Variants in DLGAP1 observed in about 807,000 individuals in gnomAD.
DLGAP1 encodes DLG associated protein 1, also known as disks large-associated protein 1.
Under a neutral mutation model 90.8 loss-of-function variants are expected in DLGAP1, and 11 were observed. The observed-to-expected ratio is 0.12, with a 90% CI of 0.08 to 0.20. DLGAP1 has a LOEUF of 0.20. Among genes scored for constraint, DLGAP1 ranks in the 10% least tolerant of loss-of-function variants. The pLI is 1.00. For missense variants in DLGAP1, 1,050 were observed against 1,333.8 expected (o/e 0.79, Z 3.31); for synonymous variants, 558 against 540.7 (o/e 1.03, Z -0.44).
chr18:3,731,667 C>A (rs140588427), intron 6 of DLGAP1, among the ~76,000 whole-genome samples: 11 of 152,020 alleles, frequency 7.2e-5, no homozygotes, highest in African/African-American at 2.7e-4. Context: ...CCTCCACCTC[C>A]CAAAATGCTG....
Position 3,681,622 on chromosome 18 carries a change from C to T in DLGAP1, c.1591+47513G>A, listed in dbSNP as rs78233490. ...ATAAGTAACTTTCTTCCCCAAAAAGCCAGCTGTGTGATTACTAAGAGACCA... is the reference window on the plus strand; with the variant it reads ...ATAAGTAACTTTCTTCCCCAAAAAGTCAGCTGTGTGATTACTAAGAGACCA... On this transcript the variant is annotated intron_variant, in intron 7 of 12. Transcript: ENST00000315677. Among the ~76,000 whole-genome samples the T allele has an allele frequency of 4.3e-3, 651 of 152,270 alleles. 10 individuals carry two copies. The highest frequency in any genetic ancestry group is 0.015 in the African/African-American group (630 of 41,552).
chr18:3,833,524 C>T (rs550102294), intron 4 of DLGAP1, among the ~76,000 whole-genome samples: 25 of 152,210 alleles, frequency 1.6e-4, no homozygotes, highest in Middle Eastern at 3.4e-3. Flanking sequence ...TGTGAGCCAC[C>T]GCATCTGGAC....
At chr18:4,440,120 CAAAAAAAAAAA>C (rs35152199) in intron 1 of DLGAP1, among the ~76,000 whole-genome samples, 24 of 49,354 alleles carry the variant, frequency 4.9e-4, no homozygotes, top group African/African-American at 1.9e-3. Flanking sequence ...ACTCCGTCAC[CAAAAAAAAAAA>C]AAAAAAAAAA....
At chr18:3,795,603 C>T (rs990803656) in intron 5 of DLGAP1, among the ~76,000 whole-genome samples, 3 of 152,230 alleles carry the variant, frequency 2.0e-5, no homozygotes, top group South Asian at 2.1e-4. Flanking sequence ...CATGAGTCAC[C>T]GCGCCTGGCC....
intron 7 of DLGAP1, among the ~76,000 whole-genome samples, chr18:3,615,064 G>A (rs999051852): frequency 2.6e-5 from 4 of 151,814 alleles, no homozygotes; most frequent in Admixed American, 1.3e-4. Context: ...GAGATTACAG[G>A]CGCCCGCCAC....
At chr18:4,057,018 C>T (rs1157554127) in intron 2 of DLGAP1, among the ~76,000 whole-genome samples, 1 of 99,172 alleles carries the variant, frequency 1.0e-5, no homozygotes, top group East Asian at 2.7e-4. Flanking sequence ...CACACACACA[C>T]ACACACACAC....
chr18:3,912,438 T>C (rs2072056120), intron 3 of DLGAP1, among the ~76,000 whole-genome samples: 1 of 152,172 alleles, frequency 6.6e-6, no homozygotes, highest in African/African-American at 2.4e-5. Flanking sequence ...TTACTTATTA[T>C]GAGCCTATTA....
At chr18:4,051,619 A>G (rs1472652898) in intron 2 of DLGAP1, among the ~76,000 whole-genome samples, 1 of 152,126 alleles carries the variant, frequency 6.6e-6, no homozygotes, top group Non-Finnish European at 1.5e-5. Context: ...ACACAGTAAA[A>G]CCATATCATT....
chr18:4,374,110 C>T (rs1044377448), intron 1 of DLGAP1, among the ~76,000 whole-genome samples: 21 of 152,112 alleles, frequency 1.4e-4, no homozygotes, highest in African/African-American at 4.6e-4. Flanking sequence ...AACAAAGTTA[C>T]TTGTCTGTAA....
chr18:4,373,877 G>T (rs1272405806), intron 1 of DLGAP1, among the ~76,000 whole-genome samples: 1 of 152,030 alleles, frequency 6.6e-6, no homozygotes, highest in African/African-American at 2.4e-5. Context: ...GAGCAAGTTT[G>T]CTAGGAAAGA....
At chr18:4,373,872 A>T (rs1225129336) in intron 1 of DLGAP1, among the ~76,000 whole-genome samples, 2 of 152,172 alleles carry the variant, frequency 1.3e-5, no homozygotes, top group Non-Finnish European at 2.9e-5. Flanking sequence ...GATAGGAGCA[A>T]GTTTGCTAGG....
At chr18:4,412,058 TAC>T (rs1189673019) in intron 1 of DLGAP1, among the ~76,000 whole-genome samples, 2 of 152,184 alleles carry the variant, frequency 1.3e-5, no homozygotes, top group Admixed American at 6.5e-5. Context: ...GACTAACTAC[TAC>T]AGTCTCCTTA....
chr18:4,401,175 T>C (rs1458309994), intron 1 of DLGAP1, among the ~76,000 whole-genome samples: 1 of 152,194 alleles, frequency 6.6e-6, no homozygotes, highest in Non-Finnish European at 1.5e-5. Context: ...TTATTTCAGT[T>C]AGAGGTGGAG....
chr18:4,335,552 G>A (rs1280351713), intron 1 of DLGAP1, among the ~76,000 whole-genome samples: 3 of 152,028 alleles, frequency 2.0e-5, no homozygotes, highest in East Asian at 1.9e-4. Flanking sequence ...AACTGCAATG[G>A]GAAGTCCTGT....
intron 2 of DLGAP1, among the ~76,000 whole-genome samples, chr18:4,048,880 T>C (rs1158962952): frequency 1.3e-5 from 2 of 152,194 alleles, no homozygotes; most frequent in Admixed American, 6.5e-5. Flanking sequence ...TTCAAATATT[T>C]CTATCTTTTG....
chr18:4,273,719 G>A (rs534592728), intron 1 of DLGAP1, among the ~76,000 whole-genome samples: 2 of 152,342 alleles, frequency 1.3e-5, no homozygotes, highest in South Asian at 2.1e-4. Flanking sequence ...ACAGGCGTGA[G>A]CCACTGTGCC....
chr18:4,079,308 C>T (rs1311233614), intron 2 of DLGAP1, among the ~76,000 whole-genome samples: 1 of 151,074 alleles, frequency 6.6e-6, no homozygotes, highest in Non-Finnish European at 1.5e-5. Flanking sequence ...CACACACACA[C>T]ACACACACAC....
intron 8 of DLGAP1, among the ~76,000 whole-genome samples, chr18:3,576,217 A>T (rs925492614): frequency 2.6e-5 from 4 of 151,472 alleles, no homozygotes; most frequent in African/African-American, 9.7e-5. Context: ...TTCTTCTGGC[A>T]TCACTCTTGC....
At chr18:3,572,884 T>C (rs893359875) in intron 8 of DLGAP1, among the ~76,000 whole-genome samples, 1 of 152,202 alleles carries the variant, frequency 6.6e-6, no homozygotes, top group Non-Finnish European at 1.5e-5. Flanking sequence ...TAACTTTGGA[T>C]TTCTGTGACA....
Sources: allele counts gnomAD v4.1 joint callset (sites outside exome capture counted in the v4.1 genomes callset), GRCh38; gene constraint gnomAD v4.1.1; transcripts MANE v1.5; gene names NCBI Gene and HGNC (gene_info 2026-07-23, HGNC 2026-07-21).